SIK3: variants seen among roughly 807,000 people sequenced by gnomAD.
SIK3 encodes serine/threonine-protein kinase SIK3.
Under a neutral mutation model 144.2 loss-of-function variants are expected in SIK3, and 28 were observed. The observed-to-expected ratio is 0.19, with a 90% CI of 0.14 to 0.27. The LOEUF (loss-of-function observed/expected upper bound fraction) is 0.27. Ranked by LOEUF, SIK3 falls within the 10% of genes least tolerant of loss-of-function variation. SIK3 has a pLI of 1.00. For synonymous variants in SIK3, 686 were observed against 676.3 expected, an observed-to-expected ratio of 1.01 and a Z score of -0.22; for missense variants, 1,319 against 1,776.0, an observed-to-expected ratio of 0.74 and a Z score of 4.62.
chr11:116,984,677 A>C (rs1183897730), intron 1 of SIK3, among the ~76,000 whole-genome samples: 3 of 151,056 alleles, frequency 2.0e-5, no homozygotes, highest in Non-Finnish European at 2.9e-5. Flanking sequence ...TTTTTTTATA[A>C]GTTGGAAAAA....
intron 1 of SIK3, among the ~76,000 whole-genome samples, chr11:117,091,094 T>C (rs954589718): frequency 6.6e-6 from 1 of 150,964 alleles, no homozygotes; most frequent in Non-Finnish European, 1.5e-5. Context: ...TAACTACCTA[T>C]AAGACTCCGG....
intron 1 of SIK3, among the ~76,000 whole-genome samples, chr11:117,045,195 A>C (rs372828946): frequency 1.3e-5 from 2 of 152,170 alleles, no homozygotes; most frequent in Non-Finnish European, 1.5e-5. Context: ...ATATAACCAA[A>C]TATCTGCTTA....
chr11:117,006,222 C>A (rs1951041409), intron 1 of SIK3, among the ~76,000 whole-genome samples: 1 of 152,132 alleles, frequency 6.6e-6, no homozygotes, highest in Non-Finnish European at 1.5e-5. Context: ...AAGACCTCTA[C>A]CACAATACAT....
chr11:117,064,042 C>G (rs1047191227), intron 1 of SIK3, among the ~76,000 whole-genome samples: 1 of 151,990 alleles, frequency 6.6e-6, no homozygotes, highest in Admixed American at 6.6e-5. Context: ...TCAAAAACAT[C>G]TGGAAAAAGT....
chr11:117,058,166 G>C (rs554790679), intron 1 of SIK3, among the ~76,000 whole-genome samples: 1 of 152,250 alleles, frequency 6.6e-6, no homozygotes, highest in East Asian at 1.9e-4. Flanking sequence ...GGCCAGTGAA[G>C]CTAAGGCGCT....
At chr11:117,071,782 A>AT (rs57735255) in intron 1 of SIK3, among the ~76,000 whole-genome samples, 7,995 of 105,564 alleles carry the variant, frequency 0.076, 518 homozygotes, top group African/African-American at 0.15. Flanking sequence ...TGCTTGGTTA[A>AT]TTTTTTTTTT....
At chr11:116,890,158 G>C (rs1374235243) in intron 6 of SIK3, among the ~76,000 whole-genome samples, 4 of 152,212 alleles carry the variant, frequency 2.6e-5, no homozygotes, top group Non-Finnish European at 5.9e-5. Flanking sequence ...AGTGGTGATA[G>C]GAGGTGAGGA....
intron 3 of SIK3, among the ~76,000 whole-genome samples, chr11:116,941,509 T>C (rs1948304867): frequency 1.3e-5 from 2 of 152,044 alleles, no homozygotes; most frequent in Non-Finnish European, 2.9e-5. Context: ...AAATAACCTA[T>C]GTGAAACACT....
intron 1 of SIK3, among the ~76,000 whole-genome samples, chr11:116,999,386 T>C (rs1450056288): frequency 1.3e-5 from 2 of 152,186 alleles, no homozygotes; most frequent in Non-Finnish European, 2.9e-5. Flanking sequence ...TTCAATTCTT[T>C]CTAAAAAAAA....
intron 1 of SIK3, among the ~76,000 whole-genome samples, chr11:116,971,955 G>A (rs1949776518): frequency 6.6e-6 from 1 of 152,078 alleles, no homozygotes; most frequent in African/African-American, 2.4e-5. Flanking sequence ...GGGCGTGGTG[G>A]CACGCGCCTG....
chr11:116,853,890 C>T (rs1234084392), intron 21 of SIK3, among the ~76,000 whole-genome samples: 2 of 152,202 alleles, frequency 1.3e-5, no homozygotes, highest in African/African-American at 4.8e-5. Context: ...AGGGAGATTA[C>T]GGACAGCATG....
chr11:116,916,326 TACTC>T (rs939385045), intron 4 of SIK3, among the ~76,000 whole-genome samples: 1 of 152,282 alleles, frequency 6.6e-6, no homozygotes, highest in Admixed American at 6.5e-5. Flanking sequence ...ACAAATATTA[TACTC>T]ACTCTCTTAT....
chr11:116,876,282 T>C lies in SIK3; in HGVS notation c.1066A>G (p.Met356Val), dbSNP rs955981975. ...AGTGTCTGTTCTTTGTCCAGTCCCATGTCCTCCATGGCCAAGAGGACATCC... is the reference window on the plus strand; with the variant it reads ...AGTGTCTGTTCTTTGTCCAGTCCCACGTCCTCCATGGCCAAGAGGACATCC... ...NEDVLLAMED[M>V]GLDKEQTLQS... Residue 356 changes from methionine to valine, a missense_variant, in exon 8 of 25, where the codon ATG becomes GTG. This residue lies in a region of SIK3 where 109 missense variants were observed against 109.3 expected (regional missense o/e 1.00). Transcript: ENST00000445177. 2 of 1,614,234 alleles carry C rather than the reference T, an allele frequency of 1.2e-6. No homozygotes were observed. Among genetic ancestry groups the C allele is most frequent in the Non-Finnish European group, 1.7e-6 (2 of 1,180,022 alleles).
At chr11:116,922,015 T>A (rs1185548408) in intron 4 of SIK3, among the ~76,000 whole-genome samples, 2 of 152,068 alleles carry the variant, frequency 1.3e-5, no homozygotes. Flanking sequence ...AGCCTTGATC[T>A]CAACTAGCTG....
chr11:117,048,592 G>C (rs1211018754), intron 1 of SIK3, among the ~76,000 whole-genome samples: 1 of 152,076 alleles, frequency 6.6e-6, no homozygotes, highest in Non-Finnish European at 1.5e-5. Flanking sequence ...AGAGGCGGAG[G>C]TTGCAGTAAG....
intron 1 of SIK3, among the ~76,000 whole-genome samples, chr11:117,027,747 G>A (rs193011300): frequency 1.3e-5 from 2 of 151,936 alleles, no homozygotes; most frequent in African/African-American, 2.4e-5. Flanking sequence ...GATTACAGAC[G>A]TGAGCCACTG....
intron 1 of SIK3, among the ~76,000 whole-genome samples, chr11:116,989,836 T>G (rs957383022): frequency 6.6e-6 from 1 of 152,218 alleles, no homozygotes; most frequent in Non-Finnish European, 1.5e-5. Context: ...AGATAGTTTC[T>G]GAAAGTTTAA....
chr11:116,855,980 G>A (rs980203363), intron 21 of SIK3, among the ~76,000 whole-genome samples: 1 of 152,158 alleles, frequency 6.6e-6, no homozygotes, highest in South Asian at 2.1e-4. Flanking sequence ...TGCGGATCAC[G>A]AGGTCAGGAG....
In SIK3 at chr11:116,858,593, T is replaced by C. The variant is rs141671439; in HGVS notation, c.2872A>G (p.Thr958Ala). Residue 958 changes from threonine (T) to alanine (A), a missense_variant, in exon 21 of 25, where the codon ACA becomes GCA. Thr to Ala is a moderately conservative substitution (Grantham distance 58, BLOSUM62 0). Transcript: ENST00000445177. The surrounding 1 kb of genome is among the most constrained non-coding windows in gnomAD (Gnocchi z 5.4). ...RGSPSSYSPS[T>A]GVGFSPTQAL... ...TGGGTTGGAGAGAACCCCACTCCTG[T>C]TGAAGGGCTGTAGCTGCTGGGGGAA... is the stretch of plus-strand genomic sequence containing the variant. The C allele has an allele frequency of 9.2e-5, 148 of 1,613,510 alleles. No individual in the cohort carries two copies. The highest frequency in any genetic ancestry group is 1.2e-4 in the Non-Finnish European group (140 of 1,179,772).
Sources: gnomAD v4.1 joint callset for allele counts (sites outside exome capture counted in the v4.1 genomes callset) on GRCh38, gnomAD v4.1.1 for gene constraint, gnomAD v4.1.1 regional missense constraint, Gnocchi (gnomAD v3.1) non-coding constraint, MANE v1.5 for transcripts, NCBI Gene and HGNC (gene_info 2026-07-23, HGNC 2026-07-21) for gene names.